GRIK1: variants seen among roughly 807,000 people sequenced by gnomAD.
GRIK1 encodes glutamate ionotropic receptor kainate type subunit 1, also known as glutamate receptor ionotropic, kainate 1.
Under a neutral mutation model 105.7 loss-of-function variants are expected in GRIK1, and 69 were observed. That is an observed-to-expected ratio of 0.65 (90% CI 0.54 to 0.80). The LOEUF is 0.80. Ranked by LOEUF, GRIK1 falls within the 30% of genes least tolerant of loss-of-function variation. The pLI is 0.00. For synonymous variants in GRIK1, 438 were observed against 431.3 expected (o/e 1.02, Z -0.19); for missense variants, 1,109 against 1,167.3 (o/e 0.95, Z 0.73).
intron 1 of GRIK1, among the ~76,000 whole-genome samples, chr21:29,731,111 G>A (rs114279153): frequency 0.059 from 8,974 of 152,256 alleles, 304 homozygotes; most frequent in African/African-American, 0.067. Flanking sequence ...GTGGATGCCT[G>A]ATGGTTTCCC....
chr21:29,892,405 G>T (rs575711176), intron 1 of GRIK1, among the ~76,000 whole-genome samples: 1 of 152,216 alleles, frequency 6.6e-6, no homozygotes, highest in South Asian at 2.1e-4. Flanking sequence ...CTATTTACGC[G>T]GAGGGAAGAA....
At chr21:29,844,552 A>G (rs1340256009) in intron 1 of GRIK1, among the ~76,000 whole-genome samples, 1 of 152,248 alleles carries the variant, frequency 6.6e-6, no homozygotes, top group Non-Finnish European at 1.5e-5. Context: ...AAGCTAATCA[A>G]CTACTGCAAA....
chr21:29,680,945 C>A (rs903110191), intron 3 of GRIK1, among the ~76,000 whole-genome samples: 13 of 151,928 alleles, frequency 8.6e-5, no homozygotes, highest in African/African-American at 2.9e-4. Context: ...CCAGCCTGAC[C>A]GACATAGTGA....
At chr21:29,860,779 C>G (rs532110479) in intron 1 of GRIK1, among the ~76,000 whole-genome samples, 6 of 152,198 alleles carry the variant, frequency 3.9e-5, no homozygotes, top group Admixed American at 3.9e-4. Context: ...ACATCTAGAT[C>G]CATAGTTTTC....
At position 29,589,009 on chromosome 21, in the gene GRIK1, T is replaced by C. The variant is rs372945082; in HGVS notation, c.1399A>G (p.Lys467Glu). The change falls in exon 11 of 18, where the codon AAG becomes GAG. Residue 467 changes from lysine to glutamate, a missense_variant. This residue lies in a region of GRIK1 where 612 missense variants were observed against 586.0 expected (regional missense o/e 1.04). Coordinates refer to ENST00000327783, the MANE Select transcript of GRIK1 (RefSeq NM_001330994.2). Reference protein sequence around the residue: ...EPYVMYRKSDKPLYGNDRFEG... With the variant: ...EPYVMYRKSDEPLYGNDRFEG... The stretch of plus-strand genomic sequence containing the variant: ...AATCTGTCATTTCCATATAGAGGCT[T>C]ATCAGATTTCCTGTACATAACATAG... 11 of 1,601,650 alleles carry C rather than the reference T, an allele frequency of 6.9e-6. No homozygotes were observed. The African/African-American group carries it at 1.2e-4, about 18-fold the overall frequency.
intron 1 of GRIK1, among the ~76,000 whole-genome samples, chr21:29,889,474 C>G (rs552870657): frequency 6.6e-6 from 1 of 151,936 alleles, no homozygotes; most frequent in African/African-American, 2.4e-5. Context: ...GAACATTTTG[C>G]GTTTCAATTT....
In GRIK1 at chr21:29,662,247, G is replaced by C. The variant is rs977705548; in HGVS notation, c.727-7384C>G. On this transcript the variant is annotated intron_variant, in intron 4 of 17. Transcript: ENST00000327783. ...GATTGCATCACCCAGGTGCACAACAGATGAGATTATGCTATTTAAGGAGTG... is the reference window on the plus strand; with the variant it reads ...GATTGCATCACCCAGGTGCACAACACATGAGATTATGCTATTTAAGGAGTG... Among the ~76,000 whole-genome samples, 4 of 152,214 alleles carry C rather than the reference G, an allele frequency of 2.6e-5. No individual in the cohort carries two copies. In the South Asian group the frequency reaches 6.2e-4, roughly 24 times the overall value.
chr21:29,800,380 C>T (rs929128371), intron 1 of GRIK1, among the ~76,000 whole-genome samples: 2 of 152,172 alleles, frequency 1.3e-5, no homozygotes, highest in Admixed American at 6.5e-5. Flanking sequence ...CATACTGGCC[C>T]ATTTTCCCCA....
rs1448155538 is a variant in GRIK1, at chr21:29,591,132, G to C, written c.1345C>G (p.Leu449Val). The stretch of plus-strand genomic sequence containing the variant: ...CTTACCAGAATGGTGGTGACAATGA[G>C]TGTTCTGTTGGCCAATGAATCAGTG... ...NITDSLANRT[L>V]IVTTILEEPY... Residue 449 changes from leucine to valine, a missense_variant, in exon 10 of 18, where the codon CTC (leucine) becomes GTC (valine). This residue lies in a region of GRIK1 where 612 missense variants were observed against 586.0 expected (regional missense o/e 1.04). Transcript: ENST00000327783. 1 of 1,588,896 alleles carries C rather than the reference G, an allele frequency of 6.3e-7. No individual in the cohort carries two copies. The highest frequency in any genetic ancestry group is 1.7e-5 in the Admixed American group (1 of 59,982).
At chr21:29,807,663 CA>C (rs1384030561) in intron 1 of GRIK1, among the ~76,000 whole-genome samples, 1 of 151,986 alleles carries the variant, frequency 6.6e-6, no homozygotes, top group Non-Finnish European at 1.5e-5. Context: ...GCAGAAAATT[CA>C]AGAACAAATT....
At chr21:29,932,452 C>CTAAAGAGTTT (rs1324629828) in intron 1 of GRIK1, among the ~76,000 whole-genome samples, 1 of 151,976 alleles carries the variant, frequency 6.6e-6, no homozygotes, top group Non-Finnish European at 1.5e-5. Context: ...GAAAGTTATT[C>CTAAAGAGTTT]TAAAGAGTTT....
At chr21:29,727,859 A>G (rs940439411) in intron 1 of GRIK1, among the ~76,000 whole-genome samples, 4 of 152,182 alleles carry the variant, frequency 2.6e-5, no homozygotes, top group African/African-American at 9.6e-5. Flanking sequence ...TAATCTGATT[A>G]TGTCCCATAA....
At chr21:29,849,448 T>C (rs368859090) in intron 1 of GRIK1, among the ~76,000 whole-genome samples, 1 of 152,328 alleles carries the variant, frequency 6.6e-6, no homozygotes, top group African/African-American at 2.4e-5. Flanking sequence ...TCTTAAAAAC[T>C]AAATCCTCTA....
Position 29,675,414 on chromosome 21 carries a change from T to C in GRIK1, c.545-2250A>G, listed in dbSNP as rs9980858. 4.0e-3 allele frequency among the ~76,000 whole-genome samples: 611 copies of C among 152,224 alleles called. 3 individuals carry two copies. Among genetic ancestry groups the C allele is most frequent in the Non-Finnish European group, 6.6e-3 (452 of 68,020 alleles). ...CATGACCACAAGGGACAGTTTAATG[T>C]GGTCTCTAAATAACATTGGGAAAAC... is the stretch of plus-strand genomic sequence containing the variant. On this transcript the variant is annotated intron_variant, in intron 3 of 17. Transcript: ENST00000327783.
In GRIK1 at chr21:29,674,643, G is replaced by A. The variant is rs770588714; in HGVS notation, c.545-1479C>T. On this transcript the variant is annotated intron_variant, in intron 3 of 17. Transcript: ENST00000327783. ...AGATCTGATGGTTTAAAAAAGTGTG[G>A]CACTTCCCCCCTTGCTCTCTCTCTC... Among the ~76,000 whole-genome samples the A allele has an allele frequency of 3.6e-4, 55 of 151,882 alleles. 1 individual carries two copies. Among genetic ancestry groups the A allele is most frequent in the Non-Finnish European group, 5.7e-4 (39 of 67,964 alleles).
At position 29,782,040 on chromosome 21, in the gene GRIK1, A is replaced by G. The variant is rs201446175; in HGVS notation, c.119-87977T>C. Among the ~76,000 whole-genome samples the G allele has an allele frequency of 1.1e-4, 16 of 150,068 alleles. No homozygotes were observed. In the East Asian group the frequency reaches 3.2e-3, roughly 30 times the overall value. On this transcript the variant is annotated intron_variant, in intron 1 of 17. Coordinates refer to ENST00000327783, the MANE Select transcript of GRIK1 (RefSeq NM_001330994.2). Reference sequence around the variant, plus strand: ...CTCTACTCATTCCTTAGTGATGGGCATTTGGGTACTGCCAACTCACTGTCC... The same window carrying G: ...CTCTACTCATTCCTTAGTGATGGGCGTTTGGGTACTGCCAACTCACTGTCC...
In GRIK1 at chr21:29,555,187, GT is replaced by G; in HGVS notation, c.2471del (p.Asn824ThrfsTer29). 6.2e-7 allele frequency: 1 copy of G among 1,613,948 alleles called. No individual in the cohort carries two copies. On this transcript the variant is annotated frameshift_variant, in exon 16 of 18. Coordinates refer to ENST00000327783, the MANE Select transcript of GRIK1 (RefSeq NM_001330994.2). LOFTEE classifies it high-confidence loss of function. ...CCACTCCCAGGGCACTGGCTTCTTT[GT>G]TGTCTTCCTCGGGGCAGCCATTCCC... is the stretch of plus-strand genomic sequence containing the variant. Reference protein sequence around the residue: ...WRGNGCPEEDNKEASALGVEN... With the variant: ...WRGNGCPEEDXKEASALGVEN...
At chr21:29,660,425 A>C (rs778554133) in intron 4 of GRIK1, among the ~76,000 whole-genome samples, 2 of 152,210 alleles carry the variant, frequency 1.3e-5, no homozygotes, top group African/African-American at 4.8e-5. Context: ...TTCCAACCAC[A>C]CATGGAGTTA....
At chr21:29,729,398 T>C (rs985314341) in intron 1 of GRIK1, among the ~76,000 whole-genome samples, 1 of 152,192 alleles carries the variant, frequency 6.6e-6, no homozygotes, top group Non-Finnish European at 1.5e-5. Context: ...CAAAATCCAC[T>C]GCTCAGGGCC....
Sources: allele counts gnomAD v4.1 joint callset (sites outside exome capture counted in the v4.1 genomes callset), GRCh38; gene constraint gnomAD v4.1.1; regional missense constraint gnomAD v4.1.1; transcripts MANE v1.5; gene names NCBI Gene and HGNC (gene_info 2026-07-23, HGNC 2026-07-21).